CHADL: variants seen among roughly 807,000 people sequenced by gnomAD.
CHADL encodes the protein chondroadherin like.
Under a neutral mutation model 52.1 loss-of-function variants are expected in CHADL, and 48 were observed. That is an observed-to-expected ratio of 0.92 (90% CI 0.73 to 1.17). CHADL has a LOEUF of 1.17. Among genes scored for constraint, CHADL ranks in the 50% most tolerant of loss-of-function variants. The pLI is 0.00. For synonymous variants in CHADL, 498 were observed against 511.2 expected (o/e 0.97, Z 0.35); for missense variants, 977 against 1,035.1 (o/e 0.94, Z 0.77).
chr22:41,240,686 T>G, intron 1 of CHADL, 188 bp downstream of exon 1: 3 of 633,362 alleles, frequency 4.7e-6, no homozygotes, highest in Admixed American at 2.8e-5. Context: ...GAGGACCAGT[T>G]CCTGGCAGTG....
chr22:41,231,869 C>T (rs1034299224), intron 5 of CHADL, among the ~76,000 whole-genome samples: 1 of 152,154 alleles, frequency 6.6e-6, no homozygotes, highest in Non-Finnish European at 1.5e-5. Context: ...CAGTCTAGCC[C>T]CTCTGCTGCA....
Position 41,236,631 on chromosome 22 carries a change from G to C in CHADL, c.1916C>G (p.Ser639Ter). The change falls in exon 4 of 6, where the codon TCA becomes TGA. Residue 639 changes from serine to a stop codon, truncating the protein, a stop_gained. Coordinates refer to ENST00000216241, the MANE Select transcript of CHADL (RefSeq NM_138481.2). LOFTEE classifies it high-confidence loss of function. Reference sequence around the variant, plus strand: ...GCTCTGGAGCCCGGGCCCCAGGCCTGAAAAGGCCCCAGGACAAATCTGCAA... The same window carrying C: ...GCTCTGGAGCCCGGGCCCCAGGCCTCAAAAGGCCCCAGGACAAATCTGCAA... ...GLEQICPGAF[S>*]GLGPGLQSLH... 2.6e-6 allele frequency: 4 copies of C among 1,549,538 alleles called. No homozygotes were observed. The highest frequency in any genetic ancestry group is 3.5e-6 in the Non-Finnish European group (4 of 1,146,900).
chr22:41,232,071 G>A (rs543892741), intron 5 of CHADL, among the ~76,000 whole-genome samples: 191 of 152,038 alleles, frequency 1.3e-3, no homozygotes, highest in Non-Finnish European at 2.0e-3. Context: ...GGTGGCTCAC[G>A]CCTGTAATCC....
chr22:41,233,145 T>G (rs2032661388), intron 5 of CHADL, among the ~76,000 whole-genome samples: 1 of 151,952 alleles, frequency 6.6e-6, no homozygotes, highest in African/African-American at 2.4e-5. Context: ...GGCCCTAATC[T>G]AATAGGCTGT....
chr22:41,236,512 A>C lies in CHADL; in HGVS notation c.2035T>G (p.Cys679Gly). ...TGCAGCGGAAGCAGCTGGCAGTCAC[A>C]GTGGAAGGGATTGCTGCTGAGGTCG... Reference protein sequence around the residue: ...LIDLSSNPFHCDCQLLPLHRW... With the variant: ...LIDLSSNPFHGDCQLLPLHRW... Residue 679 changes from cysteine (C) to glycine (G), a missense_variant, in exon 4 of 6, where the codon TGT becomes GGT. Coordinates refer to ENST00000216241, the MANE Select transcript of CHADL (RefSeq NM_138481.2). 6.4e-7 allele frequency: 1 copy of C among 1,551,380 alleles called. No individual in the cohort carries two copies. Among genetic ancestry groups the C allele is most frequent in the Non-Finnish European group, 8.7e-7 (1 of 1,146,962 alleles).
Position 41,237,378 on chromosome 22 carries a change from A to T in CHADL, c.1694T>A (p.Leu565Gln). ...CTTCTCCAGCTCCCGAGCTGGGCCC[A>T]GCGCCCCAAGGGACACTTCGGTGAT... Reference protein sequence around the residue: ...NRITEVSLGALGPARELEKLH... With the variant: ...NRITEVSLGAQGPARELEKLH... Residue 565 changes from leucine to glutamine, a missense_variant, in exon 3 of 6, where the codon CTG (leucine) becomes CAG (glutamine). Coordinates refer to ENST00000216241, the MANE Select transcript of CHADL (RefSeq NM_138481.2). The T allele has an allele frequency of 6.4e-7, 1 of 1,550,654 alleles. No individual in the cohort carries two copies. Among genetic ancestry groups the T allele is most frequent in the Non-Finnish European group, 8.7e-7 (1 of 1,146,956 alleles).
At chr22:41,234,722 T>A (rs1469171343) in intron 5 of CHADL, among the ~76,000 whole-genome samples, 1 of 152,026 alleles carries the variant, frequency 6.6e-6, no homozygotes, top group Non-Finnish European at 1.5e-5. Flanking sequence ...GCCGGATAAT[T>A]TTTTTGTATT....
intron 5 of CHADL, among the ~76,000 whole-genome samples, chr22:41,233,611 G>A (rs1229977010): frequency 2.0e-5 from 3 of 152,182 alleles, no homozygotes; most frequent in African/African-American, 4.8e-5. Context: ...GCTGGAAGAG[G>A]CAAGGGGGAC....
chr22:41,238,362 A>C lies in CHADL; in HGVS notation c.710T>G (p.Leu237Arg). 6.7e-7 allele frequency: 1 copy of C among 1,499,718 alleles called. No individual in the cohort carries two copies. Among genetic ancestry groups the C allele is most frequent in the South Asian group, 1.3e-5 (1 of 79,232 alleles). The allele number at this position is 1,499,718 out of a possible 1,614,324, so 92.9% of individuals were successfully genotyped here. A position where few individuals can be genotyped will look rare whatever the true frequency, so the allele number is the denominator to read the frequency against. The change falls in exon 3 of 6, where the codon CTG becomes CGG. Residue 237 changes from leucine (L) to arginine (R), a missense_variant. Leu to Arg is a moderately radical substitution (Grantham distance 102, BLOSUM62 -2). Transcript: ENST00000216241. The surrounding 1 kb of genome is among the most constrained non-coding windows in gnomAD (Gnocchi z 4.9). Reference sequence around the variant, plus strand: ...CGCGTAGGTGAGCGGGTTGTGGCCCAGCTCCAGACGGGCCAGGCCGCGGGC... The same window carrying C: ...CGCGTAGGTGAGCGGGTTGTGGCCCCGCTCCAGACGGGCCAGGCCGCGGGC... Reference protein sequence around the residue: ...SQARGLARLELGHNPLTYAGE... With the variant: ...SQARGLARLERGHNPLTYAGE...
At chr22:41,240,603 C>A (rs1183318165) in intron 1 of CHADL, among the ~76,000 whole-genome samples, 2 of 152,236 alleles carry the variant, frequency 1.3e-5, no homozygotes, top group African/African-American at 2.4e-5. Context: ...GGAGGGGACC[C>A]ATGGGGACAG....
chr22:41,240,701 C>T, intron 1 of CHADL, 173 bp downstream of exon 1: 1 of 682,556 alleles, frequency 1.5e-6, no homozygotes, highest in South Asian at 1.9e-5. Flanking sequence ...GCAGTGGCCA[C>T]ATTGCCACGT....
At chr22:41,230,089 C>CCCCCCCCCCCCTTTTT in intron 5 of CHADL, 1 of 873,242 alleles carries the variant, frequency 1.1e-6, no homozygotes, top group Non-Finnish European at 1.8e-6. Flanking sequence ...GCCCCCACCC[C>CCCCCCCCCCCCTTTTT]TCCCAGAGTT....
intron 1 of CHADL, 199 bp downstream of exon 1, chr22:41,240,675 A>T: frequency 1.7e-6 from 1 of 605,080 alleles, no homozygotes; most frequent in Non-Finnish European, 2.9e-6. Flanking sequence ...GACAAGCCCC[A>T]GAGGACCAGT....
intron 2 of CHADL, among the ~76,000 whole-genome samples, chr22:41,239,200 C>G (rs2281336): frequency 0.57 from 86,146 of 152,180 alleles, 25,525 homozygotes; most frequent in East Asian, 0.79. Flanking sequence ...AATTCAGTAT[C>G]GATCTATGGG....
intron 1 of CHADL, among the ~76,000 whole-genome samples, chr22:41,240,300 G>A (rs534798285): frequency 2.6e-5 from 4 of 152,220 alleles, no homozygotes; most frequent in African/African-American, 7.2e-5. Flanking sequence ...TATGTTGCCC[G>A]GGCTGGTCTT....
Position 41,238,366 on chromosome 22 carries a change from C to A in CHADL, c.706G>T (p.Glu236Ter), listed in dbSNP as rs1234352132. Residue 236 changes from glutamate to a stop codon, truncating the protein, a stop_gained, in exon 3 of 6, where the codon GAG becomes TAG. Coordinates refer to ENST00000216241, the MANE Select transcript of CHADL (RefSeq NM_138481.2). LOFTEE classifies it high-confidence loss of function. This position sits in a 1 kb window ranked among gnomAD's most constrained non-coding sequence, Gnocchi z 4.9. Reference protein sequence around the residue: ...LSQARGLARLELGHNPLTYAG... With the variant: ...LSQARGLARL ...TAGGTGAGCGGGTTGTGGCCCAGCT[C>A]CAGACGGGCCAGGCCGCGGGCCTGG... is the stretch of plus-strand genomic sequence containing the variant. The A allele has an allele frequency of 1.3e-6, 2 of 1,498,624 alleles. No individual in the cohort carries two copies. Among genetic ancestry groups the A allele is most frequent in the East Asian group, 2.5e-5 (1 of 40,398 alleles). 92.8% of individuals were successfully genotyped at this position (1,498,624 alleles called of 1,614,324 possible). A position where few individuals can be genotyped will look rare whatever the true frequency, so the allele number is the denominator to read the frequency against.
rs2032807313 is a variant in CHADL at position 41,238,856 on chromosome 22, A to G, written c.216T>C (p.Asn72=). The G allele has an allele frequency of 6.5e-7, 1 of 1,542,338 alleles. No individual in the cohort carries two copies. Among genetic ancestry groups the G allele is most frequent in the South Asian group, 1.2e-5 (1 of 83,796 alleles). ...CGGCTGCGGGGATCACCTTCAGCAA[A>G]TTGCCCTGCAGGTCCAGCCGCTGGG... ...ELTQRLDLQG[N]LLKVIPAAAF... is the part of the protein sequence containing the mutation. Residue 72 remains asparagine, a synonymous_variant, in exon 3 of 6, where the codon AAT becomes AAC. Transcript: ENST00000216241. This position sits in a 1 kb window ranked among gnomAD's most constrained non-coding sequence, Gnocchi z 4.9.
intron 5 of CHADL, chr22:41,230,352 T>C (rs2032517303): frequency 2.3e-6 from 2 of 862,002 alleles, no homozygotes; most frequent in East Asian, 2.5e-5. Context: ...AGACTGATCC[T>C]CTCTGTGTAA....
chr22:41,238,912 C>A lies in CHADL; in HGVS notation c.187-27G>T. 2 of 1,509,730 alleles carry A rather than the reference C, an allele frequency of 1.3e-6. No homozygotes were observed. The highest frequency in any genetic ancestry group is 1.8e-6 in the Non-Finnish European group (2 of 1,122,052). The allele number at this position is 1,509,730 out of a possible 1,614,324, so 93.5% of individuals were successfully genotyped here. A position where few individuals can be genotyped will look rare whatever the true frequency, so the allele number is the denominator to read the frequency against. On this transcript the variant is annotated intron_variant, in intron 2 of 5. Coordinates refer to ENST00000216241, the MANE Select transcript of CHADL (RefSeq NM_138481.2). The surrounding 1 kb of genome is among the most constrained non-coding windows in gnomAD (Gnocchi z 4.9). ...TGGGGACAGCGAGGAGAAAGTGGGG[C>A]TGAGCCAGGCAGGGACCCCGCCTTT... is the stretch of plus-strand genomic sequence containing the variant.
Sources: allele counts gnomAD v4.1 joint callset (sites outside exome capture counted in the v4.1 genomes callset), GRCh38; gene constraint gnomAD v4.1.1; non-coding constraint Gnocchi (gnomAD v3.1); transcripts MANE v1.5; gene names NCBI Gene and HGNC (gene_info 2026-07-23, HGNC 2026-07-21).